TPRG1: variants seen among roughly 807,000 people sequenced by gnomAD.
TPRG1 encodes tumor protein p63-regulated gene 1 protein.
TPRG1 carries 29 observed loss-of-function variants against 29.3 expected under a neutral mutation model. The observed-to-expected ratio is 0.99, with a 90% CI of 0.74 to 1.35. TPRG1 has a LOEUF of 1.35. Ranked by LOEUF, TPRG1 falls within the 40% of genes most tolerant of loss-of-function variation. TPRG1 has a pLI of 0.00. For missense variants in TPRG1, 327 were observed against 335.0 expected, an observed-to-expected ratio of 0.98 and a Z score of 0.19; for synonymous variants, 130 against 116.8, an observed-to-expected ratio of 1.11 and a Z score of -0.73.
At chr3:189,306,668 A>G (rs1721670689) in intron 4 of TPRG1, among the ~76,000 whole-genome samples, 1 of 152,230 alleles carries the variant, frequency 6.6e-6, no homozygotes, top group Non-Finnish European at 1.5e-5. Context: ...AAAGTAGCTC[A>G]AAATTACTAT....
At chr3:189,017,067 T>A (rs191083942) in intron 3 of TPRG1, among the ~76,000 whole-genome samples, 1 of 152,272 alleles carries the variant, frequency 6.6e-6, no homozygotes, top group Non-Finnish European at 1.5e-5. Context: ...CTCTTTCAGG[T>A]ACCCCAATCA....
At chr3:189,206,063 CTT>C (rs1734302016) in intron 1 of TPRG1, among the ~76,000 whole-genome samples, 2 of 141,104 alleles carry the variant, frequency 1.4e-5, no homozygotes, top group African/African-American at 5.3e-5. Flanking sequence ...GTCTTTCTTT[CTT>C]TTTTCTTTCT....
At chr3:189,295,241 C>T (rs537736359) in intron 4 of TPRG1, among the ~76,000 whole-genome samples, 15 of 152,208 alleles carry the variant, frequency 9.9e-5, no homozygotes, top group African/African-American at 2.2e-4. Context: ...TCTTAGAACC[C>T]GTATCTTTCC....
intron 2 of TPRG1, among the ~76,000 whole-genome samples, chr3:189,003,070 G>A (rs1173588436): frequency 1.3e-5 from 2 of 152,168 alleles, no homozygotes; most frequent in African/African-American, 4.8e-5. Flanking sequence ...CCTGTTAGGT[G>A]TATTAAAGGC....
At chr3:189,044,671 G>A in intron 4 of TPRG1, among the ~76,000 whole-genome samples, 1 of 151,926 alleles carries the variant, frequency 6.6e-6, no homozygotes, top group East Asian at 1.9e-4. Flanking sequence ...CAAGGGCAAA[G>A]GGGAACTATG....
At chr3:189,194,425 G>T (rs139790467) in intron 1 of TPRG1, among the ~76,000 whole-genome samples, 1 of 152,166 alleles carries the variant, frequency 6.6e-6, no homozygotes, top group Non-Finnish European at 1.5e-5. Context: ...GTGGTGCAAA[G>T]GTCCTGGGCT....
chr3:189,046,326 G>T (rs1372560094), intron 4 of TPRG1, among the ~76,000 whole-genome samples: 1 of 152,194 alleles, frequency 6.6e-6, no homozygotes, highest in African/African-American at 2.4e-5. Context: ...AGCACAGTCG[G>T]TGTGAACTCA....
chr3:189,283,900 G>A (rs563714768), intron 4 of TPRG1, among the ~76,000 whole-genome samples: 110 of 152,286 alleles, frequency 7.2e-4, no homozygotes, highest in African/African-American at 2.5e-3. Flanking sequence ...TCCAAGATGT[G>A]GATACAGGCG....
chr3:188,998,340 G>A (rs1284831900), intron 1 of TPRG1, among the ~76,000 whole-genome samples: 2 of 152,216 alleles, frequency 1.3e-5, no homozygotes, highest in Non-Finnish European at 2.9e-5. Flanking sequence ...TTAGGGAAAA[G>A]AAGAGTGACA....
chr3:189,311,229 A>G (rs943823917), intron 5 of TPRG1, among the ~76,000 whole-genome samples: 20 of 152,208 alleles, frequency 1.3e-4, no homozygotes, highest in African/African-American at 4.8e-4. Context: ...GTAGTGAAAG[A>G]TCAAACTTTA....
chr3:189,218,148 T>A, intron 3 of TPRG1: 1 of 711,312 alleles, frequency 1.4e-6, no homozygotes, highest in Non-Finnish European at 1.7e-6. Context: ...AGTCTCGCTC[T>A]GTCACCCAGG....
chr3:189,110,749 G>A (rs1720410119), intron 1 of TPRG1, among the ~76,000 whole-genome samples: 1 of 151,866 alleles, frequency 6.6e-6, no homozygotes, highest in Non-Finnish European at 1.5e-5. Context: ...TACAAAGTCT[G>A]TATCTAGGTA....
intron 4 of TPRG1, among the ~76,000 whole-genome samples, chr3:189,285,284 A>G (rs924842845): frequency 6.6e-5 from 10 of 152,192 alleles, no homozygotes; most frequent in African/African-American, 1.9e-4. Context: ...AGTTTGGGAA[A>G]GTGCTTGATG....
chr3:189,315,342 G>C (rs1011567381), intron 5 of TPRG1, among the ~76,000 whole-genome samples: 5 of 151,844 alleles, frequency 3.3e-5, no homozygotes, highest in Admixed American at 3.3e-4. Flanking sequence ...GAGAGAGACT[G>C]TGTGTACATT....
chr3:188,997,664 T>A (rs894396295), intron 1 of TPRG1, among the ~76,000 whole-genome samples: 1 of 152,168 alleles, frequency 6.6e-6, no homozygotes, highest in Non-Finnish European at 1.5e-5. Flanking sequence ...TAGCTACCCT[T>A]CAGCCTCAAA....
chr3:189,202,173 G>A (rs1733608488), intron 1 of TPRG1, among the ~76,000 whole-genome samples: 1 of 152,098 alleles, frequency 6.6e-6, no homozygotes, highest in South Asian at 2.1e-4. Context: ...AACTATGGTG[G>A]ATCTGTCTTT....
intron 4 of TPRG1, among the ~76,000 whole-genome samples, chr3:189,041,577 C>G (rs1220924156): frequency 6.6e-6 from 1 of 152,204 alleles, no homozygotes; most frequent in African/African-American, 2.4e-5. Context: ...GGGCAAGGCA[C>G]TCATGGCTTC....
chr3:189,041,077 TA>T (rs1714605105), intron 4 of TPRG1, among the ~76,000 whole-genome samples: 2 of 152,190 alleles, frequency 1.3e-5, no homozygotes, highest in Non-Finnish European at 2.9e-5. Context: ...ATCACAGCTC[TA>T]GATTTGGTGA....
At chr3:189,235,275 A>C (rs1391925126) in intron 3 of TPRG1, among the ~76,000 whole-genome samples, 1 of 145,646 alleles carries the variant, frequency 6.9e-6, no homozygotes, top group Non-Finnish European at 1.5e-5. Flanking sequence ...AGGGATTGGA[A>C]GGCAGCAAGA....
Sources: allele counts gnomAD v4.1 joint callset (sites outside exome capture counted in the v4.1 genomes callset), GRCh38; gene constraint gnomAD v4.1.1; transcripts MANE v1.5; gene names NCBI Gene and HGNC (gene_info 2026-07-23, HGNC 2026-07-21).